MGAT4C: variants seen among roughly 807,000 people sequenced by gnomAD.
MGAT4C encodes MGAT4 family member C.
MGAT4C carries 19 observed loss-of-function variants against 40.1 expected under a neutral mutation model. The ratio of observed to expected loss-of-function variants is 0.47; its 90% CI spans 0.33 to 0.70. The LOEUF (loss-of-function observed/expected upper bound fraction) is 0.70, where lower values mean the gene tolerates loss of function less well. MGAT4C is among the 30% of genes least tolerant of loss of function. The probability of loss-of-function intolerance (pLI) is 0.02; values close to 1 mark genes in which losing one functional copy is unlikely to be tolerated. For synonymous variants in MGAT4C, 181 were observed against 187.1 expected, an observed-to-expected ratio of 0.97 and a Z score of 0.27; for missense variants, 491 against 563.2, an observed-to-expected ratio of 0.87 and a Z score of 1.30.
rs551259772 is a variant in MGAT4C at position 86,420,590 on chromosome 12, T to C, written c.-120+14567A>G. Among the ~76,000 whole-genome samples, 4 of 152,056 alleles carry C rather than the reference T, an allele frequency of 2.6e-5. No individual in the cohort carries two copies. The South Asian group carries it at 8.3e-4, about 32-fold the overall frequency. Reference sequence around the variant, plus strand: ...ACTACCAGTTCATCTCCATAAGAAATAAACCGTAGAAAAATTCATAATACT... The same window carrying C: ...ACTACCAGTTCATCTCCATAAGAAACAAACCGTAGAAAAATTCATAATACT... On this transcript the variant is annotated intron_variant, in intron 3 of 7. Transcript: ENST00000548651.
At chr12:86,574,927 T>C (rs1449548974) in intron 2 of MGAT4C, among the ~76,000 whole-genome samples, 1 of 151,790 alleles carries the variant, frequency 6.6e-6, no homozygotes, top group Non-Finnish European at 1.5e-5. Flanking sequence ...ACAGTGAGTA[T>C]CTACATCTAT....
chr12:86,830,332 G>A (rs1952896810), intron 1 of MGAT4C, among the ~76,000 whole-genome samples: 1 of 151,424 alleles, frequency 6.6e-6, no homozygotes, highest in Non-Finnish European at 1.5e-5. Context: ...ATTTCTATCT[G>A]TTATTCTGTC....
intron 4 of MGAT4C, among the ~76,000 whole-genome samples, chr12:86,267,043 C>T (rs2136103106): frequency 6.6e-6 from 1 of 151,660 alleles, no homozygotes; most frequent in Admixed American, 6.6e-5. Context: ...TTTTGTTTGT[C>T]TACTCAAATA....
intron 2 of MGAT4C, among the ~76,000 whole-genome samples, chr12:86,612,485 C>T (rs1196213019): frequency 2.0e-5 from 3 of 152,152 alleles, no homozygotes; most frequent in South Asian, 4.2e-4. Flanking sequence ...CGCGGTGGCT[C>T]AAGCCTGTAA....
chr12:86,261,632 T>C (rs1952660248), intron 4 of MGAT4C, among the ~76,000 whole-genome samples: 1 of 152,110 alleles, frequency 6.6e-6, no homozygotes, highest in African/African-American at 2.4e-5. Flanking sequence ...TGATTTTCAA[T>C]ATGCACAACC....
At chr12:86,359,602 A>C (rs573689189) in intron 3 of MGAT4C, among the ~76,000 whole-genome samples, 1 of 152,312 alleles carries the variant, frequency 6.6e-6, no homozygotes, top group African/African-American at 2.4e-5. Context: ...ATAAAGAAGA[A>C]AAGAGAGAAG....
intron 2 of MGAT4C, among the ~76,000 whole-genome samples, chr12:86,012,775 AACAACC>A (rs1207238418): frequency 1.5e-4 from 17 of 115,426 alleles, no homozygotes; most frequent in East Asian, 1.2e-3. Flanking sequence ...CAACAACAAC[AACAACC>A]ACCACCACCA....
intron 2 of MGAT4C, among the ~76,000 whole-genome samples, chr12:86,603,511 C>CTATAGACTATATAATATATACTATA (rs1961886600): frequency 1.3e-4 from 3 of 22,300 alleles, no homozygotes; most frequent in Non-Finnish European, 3.9e-4. Flanking sequence ...TATATATAGT[C>CTATAGACTATATAATATATACTATA]TATAGTCTAT....
chr12:86,705,672 T>G (rs574048477), intron 2 of MGAT4C, among the ~76,000 whole-genome samples: 7 of 152,224 alleles, frequency 4.6e-5, no homozygotes, highest in African/African-American at 1.4e-4. Context: ...TAAACAAATT[T>G]GGGAGACTCT....
At chr12:86,290,074 T>A (rs1953468647) in intron 4 of MGAT4C, among the ~76,000 whole-genome samples, 1 of 150,650 alleles carries the variant, frequency 6.6e-6, no homozygotes, top group African/African-American at 2.4e-5. Context: ...TGAGACGGAG[T>A]CTTGCTCTGT....
In MGAT4C at chr12:85,975,373, C is replaced by T. The variant is rs1201230498; in HGVS notation, c.*3916G>A. The T allele has an allele frequency of 6.6e-6, 1 of 150,854 alleles. No homozygotes were observed. 9.3% of individuals were successfully genotyped at this position (150,854 alleles called of 1,614,324 possible). ...AAAGGAAACAAATATTTATTGTGTG[C>T]CTAGTTTATGTTATCTCAATTCCAG... On this transcript the variant is annotated 3_prime_UTR_variant, in exon 5 of 5. Coordinates refer to ENST00000611864, the MANE Select transcript of MGAT4C (RefSeq NM_001351288.2).
intron 1 of MGAT4C, among the ~76,000 whole-genome samples, chr12:86,818,291 A>G (rs1169209695): frequency 6.6e-6 from 1 of 151,402 alleles, no homozygotes; most frequent in African/African-American, 2.4e-5. Context: ...AATTTATAAA[A>G]TAACAAATCA....
rs543829957 is a variant in MGAT4C, at chr12:86,032,110, G to T, written c.-7+17564C>A. On this transcript the variant is annotated intron_variant, in intron 2 of 4. Coordinates refer to ENST00000611864, the MANE Select transcript of MGAT4C (RefSeq NM_001351288.2). Reference sequence around the variant, plus strand: ...AGGACATAAACTCGTTGTTCCTTATGGCTGTGTAAGATCCTGTGGTATATA... The same window carrying T: ...AGGACATAAACTCGTTGTTCCTTATTGCTGTGTAAGATCCTGTGGTATATA... Among the ~76,000 whole-genome samples, 9 of 151,992 alleles carry T rather than the reference G, an allele frequency of 5.9e-5. No homozygotes were observed. In the South Asian group the frequency reaches 1.7e-3, roughly 28 times the overall value.
chr12:86,704,967 G>T (rs1950428906), intron 2 of MGAT4C, among the ~76,000 whole-genome samples: 1 of 151,940 alleles, frequency 6.6e-6, no homozygotes, highest in South Asian at 2.1e-4. Flanking sequence ...AAATTATAAA[G>T]AATTCATCTT....
intron 2 of MGAT4C, among the ~76,000 whole-genome samples, chr12:86,462,625 A>T (rs952527989): frequency 1.3e-5 from 2 of 152,184 alleles, no homozygotes; most frequent in African/African-American, 4.8e-5. Flanking sequence ...ACTGGGTCCC[A>T]AAACCTCAAA....
chr12:86,122,871 C>T (rs1006699292), intron 1 of MGAT4C, among the ~76,000 whole-genome samples: 1 of 152,108 alleles, frequency 6.6e-6, no homozygotes, highest in African/African-American at 2.4e-5. Context: ...TGTGTCAACA[C>T]AGATAAATTT....
chr12:86,291,264 C>T (rs913759240), intron 4 of MGAT4C, among the ~76,000 whole-genome samples: 11 of 152,088 alleles, frequency 7.2e-5, no homozygotes, highest in African/African-American at 2.4e-4. Flanking sequence ...GCCACAAGTC[C>T]GGGTTAAAAA....
intron 2 of MGAT4C, among the ~76,000 whole-genome samples, chr12:86,035,362 G>A (rs1891126747): frequency 6.7e-6 from 1 of 150,120 alleles, no homozygotes; most frequent in African/African-American, 2.4e-5. Flanking sequence ...GTGTTTGTTG[G>A]CTGCATAAAT....
chr12:86,786,066 T>G (rs1387157141), intron 1 of MGAT4C, among the ~76,000 whole-genome samples: 1 of 151,962 alleles, frequency 6.6e-6, no homozygotes, highest in Non-Finnish European at 1.5e-5. Flanking sequence ...ATCATTCAAC[T>G]TTCACTCCTG....
Sources: allele counts gnomAD v4.1 joint callset (sites outside exome capture counted in the v4.1 genomes callset), GRCh38; gene constraint gnomAD v4.1.1; transcripts MANE v1.5; gene names NCBI Gene and HGNC (gene_info 2026-07-23, HGNC 2026-07-21).